CAPS2: variants seen among roughly 807,000 people sequenced by gnomAD.
CAPS2 encodes the protein calcyphosin-2.
Under a neutral mutation model 86.5 loss-of-function variants are expected in CAPS2, and 98 were observed. The ratio of observed to expected loss-of-function variants is 1.13; its 90% CI spans 0.96 to 1.34. The LOEUF (loss-of-function observed/expected upper bound fraction) is 1.34. Among genes scored for constraint, CAPS2 ranks in the 40% most tolerant of loss-of-function variants. The pLI is 0.00. For missense variants in CAPS2, 729 were observed against 686.8 expected, an observed-to-expected ratio of 1.06 and a Z score of -0.69; for synonymous variants, 210 against 225.1, an observed-to-expected ratio of 0.93 and a Z score of 0.60.
At chr12:75,382,924 C>T (rs932629402) in intron 1 of CAPS2, among the ~76,000 whole-genome samples, 4 of 152,056 alleles carry the variant, frequency 2.6e-5, no homozygotes, top group South Asian at 4.1e-4. Flanking sequence ...TCTGTCAATA[C>T]CCTCTAACAA....
exon 17 of CAPS2, chr12:75,277,628 A>C: frequency 1.0e-6 from 1 of 984,748 alleles, no homozygotes; most frequent in Non-Finnish European, 1.2e-6. Context: ...TCACATCTTG[A>C]AAAGTGCAAC....
intron 1 of CAPS2, among the ~76,000 whole-genome samples, chr12:75,339,504 T>C (rs942558364): frequency 1.3e-5 from 2 of 152,200 alleles, no homozygotes; most frequent in Non-Finnish European, 2.9e-5. Context: ...CTTGGTCAGA[T>C]GGATAGATTG....
intron 12 of CAPS2, among the ~76,000 whole-genome samples, chr12:75,292,983 G>A (rs1486588676): frequency 3.3e-5 from 5 of 151,534 alleles, no homozygotes; most frequent in African/African-American, 1.2e-4. Context: ...TAAAATAAAA[G>A]TGTTATAGCA....
At chr12:75,325,411 T>C (rs1479756858) in intron 1 of CAPS2, 123 bp from the exon 3 acceptor site, 6 of 818,040 alleles carry the variant, frequency 7.3e-6, no homozygotes, top group African/African-American at 3.5e-5. Flanking sequence ...AAATTCTATA[T>C]AATAAATACT....
At chr12:75,327,920 A>G (rs946289691), upstream of CAPS2, among the ~76,000 whole-genome samples, 1 of 151,522 alleles carries the variant, frequency 6.6e-6, no homozygotes, top group East Asian at 1.9e-4. Context: ...AGATATCCCA[A>G]TTCCTTACTA....
chr12:75,384,034 A>T (rs1593950930), intron 1 of CAPS2, among the ~76,000 whole-genome samples: 1 of 152,178 alleles, frequency 6.6e-6, no homozygotes, highest in Admixed American at 6.5e-5. Flanking sequence ...CTTAGAGGTA[A>T]ATTTGTAGCA....
At chr12:75,363,744 C>A (rs2043777322) in intron 1 of CAPS2, among the ~76,000 whole-genome samples, 1 of 152,050 alleles carries the variant, frequency 6.6e-6, no homozygotes, top group South Asian at 2.1e-4. Context: ...TTATTCTGAG[C>A]AAACATGAGT....
intron 1 of CAPS2, 126 bp from the exon 3 acceptor site, chr12:75,325,414 T>C: frequency 2.5e-6 from 2 of 806,344 alleles, no homozygotes; most frequent in Admixed American, 3.2e-5. Flanking sequence ...TTCTATATAA[T>C]AAATACTTAT....
intron 1 of CAPS2, among the ~76,000 whole-genome samples, chr12:75,381,662 T>A (rs2139814423): frequency 7.0e-6 from 1 of 142,286 alleles, no homozygotes; most frequent in East Asian, 2.3e-4. Context: ...GTCACCAGGC[T>A]GGAGTGCAGT....
intron 1 of CAPS2, among the ~76,000 whole-genome samples, chr12:75,373,214 G>A (rs1385758407): frequency 6.6e-6 from 1 of 152,138 alleles, no homozygotes; most frequent in Non-Finnish European, 1.5e-5. Flanking sequence ...CTGCCATGAT[G>A]GCAACTTTGT....
intron 1 of CAPS2, among the ~76,000 whole-genome samples, chr12:75,336,697 G>A (rs2139239506): frequency 1.3e-5 from 2 of 151,858 alleles, no homozygotes; most frequent in Non-Finnish European, 3.0e-5. Context: ...AACAGTCATA[G>A]AGATTTTAAT....
intron 1 of CAPS2, among the ~76,000 whole-genome samples, chr12:75,381,613 T>C (rs1593937686): frequency 1.7e-5 from 2 of 119,570 alleles, no homozygotes; most frequent in Middle Eastern, 4.2e-3. Flanking sequence ...TTTTCTTAAG[T>C]GTTTTTTTTT....
At chr12:75,366,863 T>C in intron 1 of CAPS2, 4 of 701,270 alleles carry the variant, frequency 5.7e-6, no homozygotes, top group Non-Finnish European at 1.0e-5. Flanking sequence ...GAATGAGTCT[T>C]TTAAAACTAA....
At chr12:75,349,067 C>T (rs2042638660) in intron 1 of CAPS2, among the ~76,000 whole-genome samples, 1 of 152,086 alleles carries the variant, frequency 6.6e-6, no homozygotes, top group Non-Finnish European at 1.5e-5. Context: ...GAAAAGAGAA[C>T]TACACACAGA....
At chr12:75,330,028 GAC>G, upstream of CAPS2, 1 of 518,822 alleles carries the variant, frequency 1.9e-6, no homozygotes, top group Non-Finnish European at 3.4e-6. Flanking sequence ...CTTTAGACAG[GAC>G]AGTCTAGACA....
At chr12:75,368,697 A>T (rs1593866078) in intron 1 of CAPS2, among the ~76,000 whole-genome samples, 1 of 151,742 alleles carries the variant, frequency 6.6e-6, no homozygotes, top group East Asian at 1.9e-4. Context: ...TTTGTATTAG[A>T]CTCATTTTAA....
intron 12 of CAPS2, 28 bp from the exon 13 acceptor site, chr12:75,291,848 AAT>A (rs747003889): frequency 2.3e-4 from 254 of 1,127,724 alleles, no homozygotes; most frequent in Middle Eastern, 4.1e-4. Context: ...ACAGGGATGA[AAT>A]ATATATATAT....
intron 1 of CAPS2, among the ~76,000 whole-genome samples, chr12:75,350,680 C>T (rs893709327): frequency 2.0e-5 from 3 of 152,152 alleles, no homozygotes; most frequent in African/African-American, 7.2e-5. Flanking sequence ...ACCACAAAAA[C>T]CCCATCCAAA....
chr12:75,281,914 T>A (rs774851586), intron 16 of CAPS2, among the ~76,000 whole-genome samples: 1 of 152,134 alleles, frequency 6.6e-6, no homozygotes, highest in African/African-American at 2.4e-5. Context: ...TGGATAACTA[T>A]ATAAGCAGAT....
Sources: gnomAD v4.1 joint callset for allele counts (sites outside exome capture counted in the v4.1 genomes callset) on GRCh38, gnomAD v4.1.1 for gene constraint, MANE v1.5 for transcripts, NCBI Gene and HGNC (gene_info 2026-07-23, HGNC 2026-07-21) for gene names.